SGCG: variants seen among roughly 807,000 people sequenced by gnomAD.
SGCG encodes the protein sarcoglycan gamma.
SGCG carries 26 observed loss-of-function variants against 29.3 expected under a neutral mutation model. That is an observed-to-expected ratio of 0.89 (90% confidence interval 0.65 to 1.23). The LOEUF is 1.23. Ranked by LOEUF, SGCG falls within the 50% of genes most tolerant of loss-of-function variation. The probability of loss-of-function intolerance (pLI) is 0.00; values close to 1 mark genes in which losing one functional copy is unlikely to be tolerated. For missense variants in SGCG, 353 were observed against 356.0 expected, an observed-to-expected ratio of 0.99 and a Z score of 0.07; for synonymous variants, 145 against 129.7, an observed-to-expected ratio of 1.12 and a Z score of -0.80.
At chr13:23,241,030 T>TC (rs1797550633) in intron 3 of SGCG, among the ~76,000 whole-genome samples, 1 of 151,272 alleles carries the variant, frequency 6.6e-6, no homozygotes, top group Non-Finnish European at 1.5e-5. Context: ...GTGCCTGTAG[T>TC]CCCAGCTACT....
chr13:23,295,189 C>G (rs957217633), intron 5 of SGCG, among the ~76,000 whole-genome samples: 1 of 152,004 alleles, frequency 6.6e-6, no homozygotes, highest in Non-Finnish European at 1.5e-5. Flanking sequence ...TTTGTAATTG[C>G]TTTGAAAAAC....
At chr13:23,165,638 C>G in the SGCG span, among the ~76,000 whole-genome samples, 1 of 152,036 alleles carries the variant, frequency 6.6e-6, no homozygotes, top group Admixed American at 6.5e-5. Flanking sequence ...GATTCTGCTG[C>G]CTCAGCCTCC....
the SGCG span, among the ~76,000 whole-genome samples, chr13:23,171,888 A>C: frequency 6.6e-6 from 1 of 152,188 alleles, no homozygotes; most frequent in African/African-American, 2.4e-5. Context: ...GTATCGGTTC[A>C]TGGCCTGGGG....
At chr13:23,197,415 A>G (rs1258323173) in intron 1 of SGCG, among the ~76,000 whole-genome samples, 1 of 152,164 alleles carries the variant, frequency 6.6e-6, no homozygotes, top group East Asian at 1.9e-4. Context: ...AGTTTTTGAA[A>G]CTGTGGAAAG....
At chr13:23,251,996 T>C (rs1879987091) in intron 4 of SGCG, among the ~76,000 whole-genome samples, 1 of 152,232 alleles carries the variant, frequency 6.6e-6, no homozygotes, top group African/African-American at 2.4e-5. Context: ...TTCTGTACTT[T>C]ATCCTCTGCT....
chr13:23,246,729 A>C (rs1879725023), intron 3 of SGCG: 1 of 218,020 alleles, frequency 4.6e-6, no homozygotes. Flanking sequence ...GAGCAGCAGA[A>C]GGTATTTAAA....
At chr13:23,238,666 A>T (rs1181151766) in intron 3 of SGCG, among the ~76,000 whole-genome samples, 2 of 152,222 alleles carry the variant, frequency 1.3e-5, no homozygotes, top group Non-Finnish European at 2.9e-5. Context: ...CCATCCCAGA[A>T]CAGAGTTCTA....
In SGCG at chr13:23,190,673, T is replaced by C. The variant is rs190562500; in HGVS notation, c.-1+9598T>C. On this transcript the variant is annotated intron_variant, in intron 1 of 7. Coordinates refer to ENST00000218867, the MANE Select transcript of SGCG (RefSeq NM_000231.3). Reference sequence around the variant, plus strand: ...TGATAACCTTTATGAAACTTATAATTCTCATGACATTAAATTCTTGTAATT... The same window carrying C: ...TGATAACCTTTATGAAACTTATAATCCTCATGACATTAAATTCTTGTAATT... 8.7e-4 allele frequency among the ~76,000 whole-genome samples: 132 copies of C among 152,308 alleles called. 1 individual carries two copies. Among genetic ancestry groups the C allele is most frequent in the African/African-American group, 3.1e-3 (127 of 41,550 alleles).
At chr13:23,313,171 T>TC (rs995587828) in intron 6 of SGCG, among the ~76,000 whole-genome samples, 7 of 78,702 alleles carry the variant, frequency 8.9e-5, no homozygotes, top group African/African-American at 1.8e-4. Context: ...TTCTTCTTCT[T>TC]TTTTTTTTTT....
rs1019195889 is a variant in SGCG, at chr13:23,247,250, C to T, written c.298-3380C>T. ...CCAGTAGCCTGACAAAACACATGAA[C>T]TAGATTTGAACTCTATGTCCCGGGT... On this transcript the variant is annotated intron_variant, in intron 3 of 7. Coordinates refer to ENST00000218867, the MANE Select transcript of SGCG (RefSeq NM_000231.3). The T allele has an allele frequency of 3.9e-5, 6 of 152,460 alleles. No individual in the cohort carries two copies. The East Asian group carries it at 1.2e-3, about 29-fold the overall frequency. The allele number at this position is 152,460 out of a possible 1,614,324, so 9.4% of individuals were successfully genotyped here.
intron 4 of SGCG, among the ~76,000 whole-genome samples, chr13:23,266,503 G>A (rs1290694403): frequency 4.6e-5 from 7 of 152,052 alleles, no homozygotes; most frequent in African/African-American, 9.7e-5. Flanking sequence ...ATGGGTATGC[G>A]AAGGCATACA....
At chr13:23,250,172 T>G (rs1163586889) in intron 3 of SGCG, among the ~76,000 whole-genome samples, 1 of 152,348 alleles carries the variant, frequency 6.6e-6, no homozygotes, top group East Asian at 1.9e-4. Flanking sequence ...CTCTGCTGTA[T>G]ACATAGATTT....
At chr13:23,295,596 G>A in intron 6 of SGCG, 109 bp downstream of exon 6, 1 of 829,738 alleles carries the variant, frequency 1.2e-6, no homozygotes, top group Non-Finnish European at 2.1e-6. Context: ...TATTTCATCA[G>A]TTGCCTTTAT....
At chr13:23,186,227 A>T (rs915733789) in intron 1 of SGCG, among the ~76,000 whole-genome samples, 1 of 152,162 alleles carries the variant, frequency 6.6e-6, no homozygotes, top group Non-Finnish European at 1.5e-5. Context: ...ACCAGTCCCA[A>T]TGCACTTGTG....
chr13:23,304,623 G>A (rs529807316), intron 6 of SGCG, among the ~76,000 whole-genome samples: 19 of 151,570 alleles, frequency 1.3e-4, no homozygotes, highest in African/African-American at 2.2e-4. Flanking sequence ...GGAGGGGAGC[G>A]GATGGAGTCT....
upstream of SGCG, among the ~76,000 whole-genome samples, chr13:23,180,702 A>G (rs777438680): frequency 6.6e-6 from 1 of 152,238 alleles, no homozygotes; most frequent in Non-Finnish European, 1.5e-5. Flanking sequence ...ACATTAAACT[A>G]TCATGCTTTA....
chr13:23,224,640 A>C (rs1229408236), intron 2 of SGCG, among the ~76,000 whole-genome samples: 1 of 133,538 alleles, frequency 7.5e-6, no homozygotes, highest in East Asian at 2.4e-4. Context: ...CCAACCCCAA[A>C]TTCCAACCCC....
At chr13:23,310,138 G>A (rs1400413599) in intron 6 of SGCG, among the ~76,000 whole-genome samples, 1 of 127,438 alleles carries the variant, frequency 7.8e-6, no homozygotes, top group Non-Finnish European at 1.6e-5. Flanking sequence ...CCAGGCTGGA[G>A]TGCAGTGACA....
At chr13:23,241,091 A>G (rs138018172) in intron 3 of SGCG, among the ~76,000 whole-genome samples, 203 of 150,018 alleles carry the variant, frequency 1.4e-3, no homozygotes, top group Middle Eastern at 0.01. Context: ...AGAACTTGCA[A>G]TGAGCCAAGA....
Sources: gnomAD v4.1 joint callset for allele counts (sites outside exome capture counted in the v4.1 genomes callset) on GRCh38, gnomAD v4.1.1 for gene constraint, MANE v1.5 for transcripts, NCBI Gene and HGNC (gene_info 2026-07-23, HGNC 2026-07-21) for gene names.